CACNA1H: variants seen among roughly 807,000 people sequenced by gnomAD.
The protein encoded by CACNA1H is voltage-dependent T-type calcium channel subunit alpha-1H.
In CACNA1H, 149 loss-of-function variants were observed where a neutral mutation model predicts 192.5. The observed-to-expected ratio is 0.77, with a 90% CI of 0.68 to 0.89. The LOEUF (loss-of-function observed/expected upper bound fraction) is 0.89, where lower values mean the gene tolerates loss of function less well. Ranked by LOEUF, CACNA1H falls within the 40% of genes least tolerant of loss-of-function variation. CACNA1H has a pLI of 0.00. For synonymous variants in CACNA1H, 2,202 were observed against 1,475.2 expected, an observed-to-expected ratio of 1.49 and a Z score of -11.29; for missense variants, 4,257 against 3,423.5, an observed-to-expected ratio of 1.24 and a Z score of -6.08.
chr16:1,154,129 C>A, intron 2 of CACNA1H, 93 bp downstream of exon 2: 1 of 1,036,072 alleles, frequency 9.7e-7, no homozygotes, highest in Non-Finnish European at 1.2e-6. Flanking sequence ...CGCCCCCGCG[C>A]GCCCCTGTTG....
In CACNA1H at chr16:1,201,984, G is replaced by A; in HGVS notation, c.1534G>A (p.Ala512Thr). The A allele has an allele frequency of 6.5e-7, 1 of 1,541,534 alleles. No homozygotes were observed. Among genetic ancestry groups the A allele is most frequent in the Non-Finnish European group, 8.7e-7 (1 of 1,143,896 alleles). ...CCAGCGCCGGGCAGGCAGGCACACA[G>A]CCTCGGTGCACCACCTGGTCTACCA... Reference protein sequence around the residue: ...HRQRRAGRHTASVHHLVYHHH... With the variant: ...HRQRRAGRHTTSVHHLVYHHH... The change falls in exon 9 of 35, where the codon GCC becomes ACC. Residue 512 changes from alanine to threonine, a missense_variant. Transcript: ENST00000348261.
chr16:1,169,962 C>T (rs1390660871), intron 2 of CACNA1H, among the ~76,000 whole-genome samples: 1 of 152,222 alleles, frequency 6.6e-6, no homozygotes, highest in Non-Finnish European at 1.5e-5. Context: ...GGCCTGCCCA[C>T]GGGTCGGGAT....
At chr16:1,175,505 C>T (rs533949510) in intron 2 of CACNA1H, among the ~76,000 whole-genome samples, 7 of 152,282 alleles carry the variant, frequency 4.6e-5, no homozygotes, top group African/African-American at 1.2e-4. Flanking sequence ...TGCCCCTCCA[C>T]CCTGTAGCCT....
chr16:1,156,683 T>C (rs1962446987), intron 2 of CACNA1H, among the ~76,000 whole-genome samples: 1 of 152,132 alleles, frequency 6.6e-6, no homozygotes, highest in East Asian at 1.9e-4. Flanking sequence ...TCGGATTTGC[T>C]CAGGGAACCC....
intron 2 of CACNA1H, among the ~76,000 whole-genome samples, chr16:1,161,505 T>TA (rs1963195792): frequency 6.6e-6 from 1 of 152,140 alleles, no homozygotes; most frequent in Non-Finnish European, 1.5e-5. Context: ...CCCCAGATGT[T>TA]AAAGACTCAG....
rs893395251 is a variant in CACNA1H, at chr16:1,201,807, C to A, written c.1357C>A (p.Pro453Thr). 2 of 1,589,376 alleles carry A rather than the reference C, an allele frequency of 1.3e-6. No homozygotes were observed. Among genetic ancestry groups the A allele is most frequent in the East Asian group, 2.3e-5 (1 of 43,734 alleles). The part of the protein sequence containing the change: ...NDSTLASFSE[P>T]GSCYEELLKY... The stretch of plus-strand genomic sequence containing the variant: ...CAGCACGCTGGCCAGCTTCTCCGAG[C>A]CTGGCAGCTGCTACGAAGAGCTGCT... Residue 453 changes from proline (P) to threonine (T), a missense_variant, in exon 9 of 35, where the codon CCT (proline) becomes ACT (threonine). By Grantham distance (38) the Pro-to-Thr change is conservative (BLOSUM62 -1). Coordinates refer to ENST00000348261, the MANE Select transcript of CACNA1H (RefSeq NM_021098.3).
In CACNA1H at chr16:1,215,287, C is replaced by A; in HGVS notation, c.5085C>A (p.Gly1695=). 6.2e-7 allele frequency: 1 copy of A among 1,608,818 alleles called. No individual in the cohort carries two copies. Residue 1695 remains glycine (G), a synonymous_variant, in exon 29 of 35, where the codon GGC becomes GGA. Transcript: ENST00000348261. ...DLAIVLLSLM[G]ITLEEIEMSA... The stretch of plus-strand genomic sequence containing the variant: ...CCATCGTGCTGCTGTCACTCATGGG[C>A]ATCACGCTGGAGGAGATAGAGATGA...
intron 4 of CACNA1H, 32 bp from the exon 5 acceptor site, chr16:1,195,894 G>T (rs1243532275): frequency 6.4e-7 from 1 of 1,558,476 alleles, no homozygotes; most frequent in Admixed American, 1.7e-5. Flanking sequence ...TGGGCTCCTT[G>T]TTGAGCTGCT....
In CACNA1H at chr16:1,221,491, C is replaced by T. The variant is rs921975980; in HGVS notation, c.*497C>T. The T allele has an allele frequency of 1.3e-5, 5 of 378,728 alleles. No individual in the cohort carries two copies. The highest frequency in any genetic ancestry group is 6.3e-5 in the African/African-American group (3 of 47,302). 23.5% of individuals were successfully genotyped at this position (378,728 alleles called of 1,614,324 possible). ...CCACCCTCCCCTTCCAGCCACCACC[C>T]TTTCCGTTCCGCTCGGGCCTTCCCA... On this transcript the variant is annotated 3_prime_UTR_variant, in exon 35 of 35. Transcript: ENST00000348261.
At chr16:1,195,270 G>T (rs1371951586) in intron 3 of CACNA1H, among the ~76,000 whole-genome samples, 162 bp from the exon 4 acceptor site, 1 of 146,402 alleles carries the variant, frequency 6.8e-6, no homozygotes, top group Non-Finnish European at 1.5e-5. Flanking sequence ...CGAGAGGCGA[G>T]GTTCAAGGCG....
In CACNA1H at chr16:1,209,093, G is replaced by A. The variant is rs538758039; in HGVS notation, c.3425G>A (p.Arg1142His). 41 of 1,547,178 alleles carry A rather than the reference G, an allele frequency of 2.6e-5. No homozygotes were observed. Among genetic ancestry groups the A allele is most frequent in the Admixed American group, 2.6e-4 (13 of 49,354 alleles). ...CCCAGTGGCGCCTGGAGCAGCCGGCGCTCCAGCTGGAGCAGCCTGGGCCGT... is the reference window on the plus strand; with the variant it reads ...CCCAGTGGCGCCTGGAGCAGCCGGCACTCCAGCTGGAGCAGCCTGGGCCGT... ...WGPSGAWSSR[R>H]SSWSSLGRAP... The change falls in exon 17 of 35, where the codon CGC becomes CAC. Residue 1142 changes from arginine to histidine, a missense_variant. Physicochemically the swap from Arg to His is conservative, Grantham distance 29. Transcript: ENST00000348261.
At position 1,212,280 on chromosome 16, in the gene CACNA1H, G is replaced by C. The variant is rs558557873; in HGVS notation, c.4759+142G>C. 32 of 1,315,890 alleles carry C rather than the reference G, an allele frequency of 2.4e-5. No individual in the cohort carries two copies. In the South Asian group the frequency reaches 4.1e-4, roughly 17 times the overall value. The allele number at this position is 1,315,890 out of a possible 1,614,324, so 81.5% of individuals were successfully genotyped here. The stretch of plus-strand genomic sequence containing the variant: ...TTGCCTGGGCCTGCATGGGGGCTGG[G>C]CCTTGGAGGGGCTGGCCCGAGAGGG... On this transcript the variant is annotated intron_variant, in intron 25 of 34. Coordinates refer to ENST00000348261, the MANE Select transcript of CACNA1H (RefSeq NM_021098.3).
intron 4 of CACNA1H, 75 bp downstream of exon 4, chr16:1,195,640 C>A (rs1966881760): frequency 1.6e-5 from 23 of 1,483,724 alleles, no homozygotes; most frequent in Non-Finnish European, 1.9e-5. Flanking sequence ...CTGTGTCCCA[C>A]CTGTAAAGAA....
At chr16:1,178,283 CCT>C (rs1218628304) in intron 2 of CACNA1H, among the ~76,000 whole-genome samples, 33 of 147,862 alleles carry the variant, frequency 2.2e-4, no homozygotes, top group Middle Eastern at 3.5e-3. Flanking sequence ...CCTCCCGCCC[CCT>C]CTTTCTGGAC....
chr16:1,203,453 C>T (rs774502010), intron 9 of CACNA1H, among the ~76,000 whole-genome samples: 5 of 152,158 alleles, frequency 3.3e-5, no homozygotes, highest in Non-Finnish European at 7.4e-5. Context: ...TAAGTGTGTC[C>T]CTGCCCCAGT....
In CACNA1H at chr16:1,205,172, C is replaced by G; in HGVS notation, c.2510C>G (p.Ala837Gly). The change falls in exon 11 of 35, where the codon GCC becomes GGC. Residue 837 changes from alanine (A) to glycine (G), a missense_variant. By Grantham distance (60) the Ala-to-Gly change is moderately conservative (BLOSUM62 0). Transcript: ENST00000348261. ...AACATCGTGTTCACCAGCATGTTTGCCCTGGAGATGCTGCTGAAGCTGCTG... is the reference window on the plus strand; with the variant it reads ...AACATCGTGTTCACCAGCATGTTTGGCCTGGAGATGCTGCTGAAGCTGCTG... ...ISNIVFTSMF[A>G]LEMLLKLLAC... The G allele has an allele frequency of 6.2e-7, 1 of 1,613,056 alleles. No homozygotes were observed. The highest frequency in any genetic ancestry group is 8.5e-7 in the Non-Finnish European group (1 of 1,179,748).
Position 1,154,006 on chromosome 16 carries a change from G to A in CACNA1H, c.269G>A (p.Arg90His). The change falls in exon 2 of 35, where the codon CGC becomes CAC. Residue 90 changes from arginine (R) to histidine (H), a missense_variant. Physicochemically the swap from Arg to His is conservative, Grantham distance 29. Transcript: ENST00000348261. The part of the protein sequence containing the change: ...FFCLGQTTRP[R>H]SWCLRLVCNP... ...TGCCTCGGTCAGACCACGCGGCCGC[G>A]CAGCTGGTGCCTCCGGCTGGTCTGC... 7.2e-7 allele frequency: 1 copy of A among 1,387,230 alleles called. No individual in the cohort carries two copies. Among genetic ancestry groups the A allele is most frequent in the African/African-American group, 1.5e-5 (1 of 65,844 alleles). The allele number at this position is 1,387,230 out of a possible 1,614,324, so 85.9% of individuals were successfully genotyped here. A position where few individuals can be genotyped will look rare whatever the true frequency, so the allele number is the denominator to read the frequency against.
Position 1,204,346 on chromosome 16 carries a change from T to A in CACNA1H, c.2339T>A (p.Val780Asp). The A allele has an allele frequency of 6.3e-7, 1 of 1,585,020 alleles. No individual in the cohort carries two copies. Among genetic ancestry groups the A allele is most frequent in the South Asian group, 1.2e-5 (1 of 86,862 alleles). ...CCAGGCTGGATGGGCCGCCTCTGGG[T>A]TACCTTCAGCGGCAAGCTGCGCCGC... Reference protein sequence around the residue: ...GEPGWMGRLWVTFSGKLRRIV... With the variant: ...GEPGWMGRLWDTFSGKLRRIV... The change falls in exon 10 of 35, where the codon GTT (valine) becomes GAT (aspartate). Residue 780 changes from valine (V) to aspartate (D), a missense_variant. Transcript: ENST00000348261.
intron 17 of CACNA1H, among the ~76,000 whole-genome samples, 167 bp from the exon 18 acceptor site, chr16:1,209,868 G>T (rs147762938): frequency 1.0e-3 from 154 of 152,334 alleles, no homozygotes; most frequent in African/African-American, 3.6e-3. Flanking sequence ...CCACGGTATG[G>T]GCCCCAGAGG....
Sources: gnomAD v4.1 joint callset for allele counts (sites outside exome capture counted in the v4.1 genomes callset) on GRCh38, gnomAD v4.1.1 for gene constraint, MANE v1.5 for transcripts, NCBI Gene and HGNC (gene_info 2026-07-23, HGNC 2026-07-21) for gene names.